Variants in HOMER2 observed in about 807,000 individuals in gnomAD.
The protein encoded by HOMER2 is homer scaffold protein 2.
A neutral mutation model predicts 47.0 loss-of-function variants in HOMER2; 27 were observed. The observed-to-expected ratio is 0.57, with a 90% CI of 0.42 to 0.79. The LOEUF (loss-of-function observed/expected upper bound fraction) is 0.79. HOMER2 is among the 30% of genes least tolerant of loss of function. The pLI is 0.00. For missense variants in HOMER2, 443 were observed against 435.0 expected (o/e 1.02, Z -0.16); for synonymous variants, 161 against 163.8 (o/e 0.98, Z 0.13).
intron 1 of HOMER2, among the ~76,000 whole-genome samples, chr15:82,915,106 G>A (rs1313335177): frequency 2.7e-5 from 4 of 149,510 alleles, no homozygotes; most frequent in Non-Finnish European, 5.9e-5. Context: ...CCAGGAATTC[G>A]AGGCTCAACT....
chr15:82,903,229 G>C (rs1205982471), intron 1 of HOMER2, among the ~76,000 whole-genome samples: 1 of 152,182 alleles, frequency 6.6e-6, no homozygotes, highest in African/African-American at 2.4e-5. Flanking sequence ...CGAAGGAAGG[G>C]AGTGGGTTCC....
intron 1 of HOMER2, among the ~76,000 whole-genome samples, chr15:82,893,329 CTTT>C (rs771392216): frequency 5.0e-5 from 6 of 118,954 alleles, no homozygotes; most frequent in Non-Finnish European, 6.7e-5. Context: ...ATAATTTTAT[CTTT>C]TTTTTTTTTT....
intron 1 of HOMER2, among the ~76,000 whole-genome samples, chr15:82,902,934 A>G (rs1425812823): frequency 6.6e-6 from 1 of 152,254 alleles, no homozygotes. Context: ...CCAGCAATTA[A>G]TTCATCTGTG....
chr15:82,854,701 C>T lies in HOMER2; in HGVS notation c.594G>A (p.Glu198=), dbSNP rs577354962. ...TALQESAASV[E]QWKRQFSICR... is the part of the protein sequence containing the mutation. The stretch of plus-strand genomic sequence containing the variant: ...AGATGGAGAACTGCCTCTTCCACTG[C>T]TCCACACTGGCTGCCGACTCCTGCA... Residue 198 remains glutamate (E), a synonymous_variant, in exon 6 of 9, where the codon GAG becomes GAA. Coordinates refer to ENST00000450735, the MANE Select transcript of HOMER2 (RefSeq NM_004839.4). 1.8e-5 allele frequency: 29 copies of T among 1,613,148 alleles called. No individual in the cohort carries two copies. The East Asian group carries it at 5.3e-4, about 30-fold the overall frequency.
At chr15:82,967,288 G>T (rs963105218) in intron 1 of HOMER2, among the ~76,000 whole-genome samples, 2 of 151,918 alleles carry the variant, frequency 1.3e-5, no homozygotes, top group African/African-American at 4.8e-5. Context: ...AAAGGTGTTT[G>T]TGAGATGTTC....
intron 1 of HOMER2, among the ~76,000 whole-genome samples, chr15:82,900,879 G>C (rs1314061457): frequency 6.6e-6 from 1 of 152,156 alleles, no homozygotes; most frequent in Non-Finnish European, 1.5e-5. Context: ...TGATAAATTA[G>C]TGATCTGATA....
rs2054477249 is a variant in HOMER2, at chr15:82,950,222, T to C, written c.5+2309A>G. 1.3e-5 allele frequency among the ~76,000 whole-genome samples: 2 copies of C among 152,034 alleles called. 1 individual carries two copies. The highest frequency in any genetic ancestry group is 1.3e-4 in the Admixed American group (2 of 15,266). ...TCTGGAAAGGGGAATAGGTATGAAA[T>C]AGTTGCCTTAGGGAGTAAGAACACA... On this transcript the variant is annotated intron_variant, in intron 1 of 8. Coordinates refer to ENST00000450735, the MANE Select transcript of HOMER2 (RefSeq NM_004839.4).
chr15:82,921,741 G>A (rs571069767), intron 1 of HOMER2, among the ~76,000 whole-genome samples: 9 of 152,116 alleles, frequency 5.9e-5, no homozygotes, highest in Non-Finnish European at 1.3e-4. Context: ...GGGCAGACTG[G>A]TCAGCTACCC....
intron 1 of HOMER2, among the ~76,000 whole-genome samples, chr15:82,939,125 A>G (rs934040441): frequency 1.3e-5 from 2 of 152,174 alleles, no homozygotes; most frequent in Non-Finnish European, 2.9e-5. Flanking sequence ...CTTGCTATGG[A>G]TAGCCTGGAC....
At chr15:82,911,768 C>T (rs1260337368) in intron 1 of HOMER2, among the ~76,000 whole-genome samples, 1 of 152,182 alleles carries the variant, frequency 6.6e-6, no homozygotes, top group Non-Finnish European at 1.5e-5. Flanking sequence ...AGGTGGTTCA[C>T]ACCTGTAATT....
At chr15:82,838,179 G>A (rs80308033) in exon 2 of HOMER2, 1,597 of 152,998 alleles carry the variant, frequency 0.01, 6 homozygotes, top group Non-Finnish European at 0.016. Flanking sequence ...TACGAAAACG[G>A]AGGAGATCCT....
chr15:82,930,955 A>G (rs1189046274), intron 1 of HOMER2, among the ~76,000 whole-genome samples: 1 of 152,106 alleles, frequency 6.6e-6, no homozygotes, highest in Non-Finnish European at 1.5e-5. Flanking sequence ...TGAACCCGGG[A>G]GGCGGAGGTT....
In HOMER2 at chr15:82,908,894, G is replaced by T. The variant is rs189679119; in HGVS notation, c.6-16053C>A. 5.8e-3 allele frequency among the ~76,000 whole-genome samples: 888 copies of T among 152,230 alleles called. 10 individuals carry two copies. The highest frequency in any genetic ancestry group is 0.01 in the Middle Eastern group (3 of 294). ...CCAACTGGAAGAGATGTTGGGAAGT[G>T]AGTGGTATTTCTTTTTGGGGTGACT... On this transcript the variant is annotated intron_variant, in intron 1 of 8. Coordinates refer to ENST00000450735, the MANE Select transcript of HOMER2 (RefSeq NM_004839.4).
chr15:82,957,503 A>G (rs549437074), upstream of HOMER2, among the ~76,000 whole-genome samples: 2 of 152,296 alleles, frequency 1.3e-5, no homozygotes, highest in African/African-American at 4.8e-5. Flanking sequence ...AGGATTCTCA[A>G]TCTGCCCCCA....
chr15:82,897,011 G>A (rs2052945213), intron 1 of HOMER2, among the ~76,000 whole-genome samples: 1 of 150,512 alleles, frequency 6.6e-6, no homozygotes, highest in Non-Finnish European at 1.5e-5. Context: ...GAGAGGCCAG[G>A]TAACCTGACT....
chr15:82,844,499 T>C (rs1442057177), downstream of HOMER2: 1 of 152,158 alleles, frequency 6.6e-6, no homozygotes, highest in Non-Finnish European at 1.5e-5. Context: ...TAAAACAGTA[T>C]GTATAATATG....
chr15:82,865,349 T>G (rs1224908647), intron 3 of HOMER2, among the ~76,000 whole-genome samples: 1 of 152,220 alleles, frequency 6.6e-6, no homozygotes, highest in Admixed American at 6.5e-5. Context: ...TGAACTCCTT[T>G]GTGGCAGGGT....
intron 3 of HOMER2, among the ~76,000 whole-genome samples, chr15:82,866,212 A>T (rs1270004512): frequency 6.6e-6 from 1 of 152,054 alleles, no homozygotes; most frequent in Non-Finnish European, 1.5e-5. Flanking sequence ...TGTGACCTGG[A>T]TGTGAGACAT....
exon 2 of HOMER2, chr15:82,840,343 A>C (rs557089777): frequency 6.6e-6 from 1 of 152,232 alleles, no homozygotes; most frequent in Admixed American, 6.5e-5. Context: ...GTAATTCTGG[A>C]AAAACCAATG....
Sources: gnomAD v4.1 joint callset for allele counts (sites outside exome capture counted in the v4.1 genomes callset) on GRCh38, gnomAD v4.1.1 for gene constraint, MANE v1.5 for transcripts, NCBI Gene and HGNC (gene_info 2026-07-23, HGNC 2026-07-21) for gene names.